Variants in WWC1 observed in about 807,000 individuals in gnomAD.
WWC1 encodes protein KIBRA.
WWC1 carries 55 observed loss-of-function variants against 138.4 expected under a neutral mutation model. That is an observed-to-expected ratio of 0.40 (90% CI 0.32 to 0.50). The LOEUF is 0.50. Among genes scored for constraint, WWC1 ranks in the 20% least tolerant of loss-of-function variants. WWC1 has a pLI of 0.72. For synonymous variants in WWC1, 524 were observed against 564.9 expected (o/e 0.93, Z 1.03); for missense variants, 1,226 against 1,420.4 (o/e 0.86, Z 2.20).
At chr5:168,350,468 T>C (rs532794264) in intron 1 of WWC1, among the ~76,000 whole-genome samples, 1 of 152,312 alleles carries the variant, frequency 6.6e-6, no homozygotes, top group Non-Finnish European at 1.5e-5. Context: ...CATCCCTTCC[T>C]CTGCTGGTCC....
chr5:168,423,149 CA>C (rs773855632), intron 10 of WWC1, among the ~76,000 whole-genome samples: 15,858 of 71,298 alleles, frequency 0.22, 734 homozygotes, highest in Middle Eastern at 0.3. Context: ...CATCCCCCCC[CA>C]AAAAAAAAAA....
intron 15 of WWC1, among the ~76,000 whole-genome samples, chr5:168,441,387 A>G (rs563281061): frequency 8.5e-5 from 13 of 152,346 alleles, no homozygotes; most frequent in Admixed American, 6.5e-4. Context: ...CTGTGCACTT[A>G]AAAGCGGCAA....
chr5:168,302,501 TGTCGACAGTGGTGG>T (rs1770180734), intron 1 of WWC1, among the ~76,000 whole-genome samples: 1 of 152,180 alleles, frequency 6.6e-6, no homozygotes, highest in Non-Finnish European at 1.5e-5. Flanking sequence ...TGGTGACACC[TGTCGACAGTGGTGG>T]TGCGGACCTA....
chr5:168,354,381 A>G (rs1249618624), intron 1 of WWC1, among the ~76,000 whole-genome samples: 3 of 152,062 alleles, frequency 2.0e-5, no homozygotes, highest in East Asian at 1.9e-4. Flanking sequence ...GTTTTTTAAT[A>G]TTGATGCACT....
At chr5:168,430,905 C>T (rs1442164983) in intron 14 of WWC1, among the ~76,000 whole-genome samples, 4 of 152,178 alleles carry the variant, frequency 2.6e-5, no homozygotes, top group East Asian at 1.9e-4. Context: ...GCGGACAAAA[C>T]GGAAGGAAGA....
chr5:168,423,373 TG>T (rs1177113463), intron 10 of WWC1, among the ~76,000 whole-genome samples, 159 bp from the exon 11 acceptor site: 1 of 152,118 alleles, frequency 6.6e-6, no homozygotes. Flanking sequence ...GTGGCCTTCT[TG>T]GGGTATCAGT....
chr5:168,466,938 A>G (rs534696278), intron 21 of WWC1, among the ~76,000 whole-genome samples: 6 of 152,252 alleles, frequency 3.9e-5, no homozygotes, highest in South Asian at 2.1e-4. Flanking sequence ...AAAAATTAGC[A>G]TCTATGACTT....
intron 19 of WWC1, among the ~76,000 whole-genome samples, chr5:168,458,187 G>A (rs569874866): frequency 6.6e-6 from 1 of 152,300 alleles, no homozygotes; most frequent in East Asian, 1.9e-4. Context: ...TATATTTTCT[G>A]TGTAATCTAA....
At position 168,382,774 on chromosome 5, in the gene WWC1, T is replaced by C. The variant is rs115255956; in HGVS notation, c.230-2437T>C. ...TTGAAGGGATGGAAAGCTTTCCTCA[T>C]GAGGGGCAGTTTTTTGTAGCCACTG... On this transcript the variant is annotated intron_variant, in intron 2 of 22. Transcript: ENST00000265293. Among the ~76,000 whole-genome samples, 852 of 152,360 alleles carry C rather than the reference T, an allele frequency of 5.6e-3. 5 individuals are homozygous for C. The highest frequency in any genetic ancestry group is 8.8e-3 in the Non-Finnish European group (597 of 68,028).
intron 1 of WWC1, among the ~76,000 whole-genome samples, chr5:168,302,885 G>A (rs532978421): frequency 1.2e-4 from 18 of 152,306 alleles, no homozygotes; most frequent in African/African-American, 4.3e-4. Flanking sequence ...ACTTTCAAAT[G>A]CAGTGTTTGT....
intron 1 of WWC1, among the ~76,000 whole-genome samples, chr5:168,326,860 A>G (rs1278916482): frequency 6.6e-6 from 1 of 151,896 alleles, no homozygotes; most frequent in Non-Finnish European, 1.5e-5. Flanking sequence ...CTTATTTCGC[A>G]TTTGTAGAAA....
Position 168,469,044 on chromosome 5 carries a change from C to T in WWC1, c.*27C>T. 1 of 1,613,410 alleles carries T rather than the reference C, an allele frequency of 6.2e-7. No homozygotes were observed. ...CGCCAGAAAAGTATTTCCTTTGTTC[C>T]ACTGACCAGGCTGTGAACATTGACT... On this transcript the variant is annotated 3_prime_UTR_variant, in exon 23 of 23. Coordinates refer to ENST00000265293, the MANE Select transcript of WWC1 (RefSeq NM_015238.3).
At chr5:168,338,630 C>G (rs886767143) in intron 1 of WWC1, among the ~76,000 whole-genome samples, 1 of 152,030 alleles carries the variant, frequency 6.6e-6, no homozygotes, top group African/African-American at 2.4e-5. Context: ...TCAGGCTGGT[C>G]TCGAACTCCC....
chr5:168,332,646 G>A (rs1773129309), intron 1 of WWC1, among the ~76,000 whole-genome samples: 1 of 152,128 alleles, frequency 6.6e-6, no homozygotes. Flanking sequence ...TAGGTGAGGA[G>A]GGAAAAGTTT....
At chr5:168,401,205 G>T (rs9313410) in intron 5 of WWC1, among the ~76,000 whole-genome samples, 1 of 152,084 alleles carries the variant, frequency 6.6e-6, no homozygotes, top group Admixed American at 6.5e-5. Flanking sequence ...GCATGTAACA[G>T]ACTCATTCAT....
At chr5:168,364,228 C>A (rs1426486237) in intron 1 of WWC1, among the ~76,000 whole-genome samples, 2 of 152,110 alleles carry the variant, frequency 1.3e-5, no homozygotes, top group Non-Finnish European at 2.9e-5. Flanking sequence ...TTCAGCCTCG[C>A]ATCCCATTCC....
chr5:168,368,095 T>TTG (rs1776458878), intron 1 of WWC1, among the ~76,000 whole-genome samples: 1 of 151,024 alleles, frequency 6.6e-6, no homozygotes, highest in Non-Finnish European at 1.5e-5. Flanking sequence ...TTCATCTTTT[T>TTG]TTTTTTTTTT....
At chr5:168,444,636 C>A in intron 17 of WWC1, 51 bp downstream of exon 17, 2 of 1,591,504 alleles carry the variant, frequency 1.3e-6, no homozygotes, top group Non-Finnish European at 8.6e-7. Context: ...TGGACCTAGG[C>A]CCAGCAATGA....
At position 168,456,017 on chromosome 5, in the gene WWC1, C is replaced by T. The variant is rs572307849; in HGVS notation, c.2823+497C>T. Among the ~76,000 whole-genome samples the T allele has an allele frequency of 1.7e-4, 26 of 152,250 alleles. No homozygotes were observed. The South Asian group carries it at 2.5e-3, about 15-fold the overall frequency. On this transcript the variant is annotated intron_variant, in intron 19 of 22. Coordinates refer to ENST00000265293, the MANE Select transcript of WWC1 (RefSeq NM_015238.3). ...TAACATTTAAAACTTTTTAAAAAGG[C>T]GGCCAGATGCAGTGTCTCATGCCTG...
Sources: gnomAD v4.1 joint callset for allele counts (sites outside exome capture counted in the v4.1 genomes callset) on GRCh38, gnomAD v4.1.1 for gene constraint, MANE v1.5 for transcripts, NCBI Gene and HGNC (gene_info 2026-07-23, HGNC 2026-07-21) for gene names.